AGXT2: variants seen among roughly 807,000 people sequenced by gnomAD.
The protein encoded by AGXT2 is alanine--glyoxylate aminotransferase 2.
In AGXT2, 61 loss-of-function variants were observed where a neutral mutation model predicts 62.5. The ratio of observed to expected loss-of-function variants is 0.98; its 90% CI spans 0.79 to 1.21. AGXT2 has a LOEUF of 1.21. Among genes scored for constraint, AGXT2 ranks in the 50% most tolerant of loss-of-function variants. The pLI is 0.00. For synonymous variants in AGXT2, 243 were observed against 218.7 expected (o/e 1.11, Z -0.98); for missense variants, 666 against 641.5 (o/e 1.04, Z -0.41).
intron 9 of AGXT2, among the ~76,000 whole-genome samples, chr5:35,017,245 G>T (rs1429699430): frequency 6.6e-6 from 1 of 152,152 alleles, no homozygotes; most frequent in Non-Finnish European, 1.5e-5. Context: ...GGGAGCCTGA[G>T]TTTGAGTCTT....
At chr5:35,026,535 A>G (rs771906704) in intron 7 of AGXT2, 25 bp from the exon 8 acceptor site, 15 of 1,589,200 alleles carry the variant, frequency 9.4e-6, no homozygotes, top group South Asian at 2.2e-5. Flanking sequence ...CAACAAAACA[A>G]AACAAACCAC....
intron 1 of AGXT2, among the ~76,000 whole-genome samples, chr5:35,043,482 G>A (rs1286100045): frequency 2.0e-5 from 3 of 152,046 alleles, no homozygotes; most frequent in Admixed American, 1.3e-4. Context: ...TCAAAGAAAA[G>A]CTTTCAAAAT....
At chr5:35,014,237 A>C in intron 9 of AGXT2, 118 bp from the exon 10 acceptor site, 1 of 1,384,822 alleles carries the variant, frequency 7.2e-7, no homozygotes, top group South Asian at 1.2e-5. Flanking sequence ...GTGGATCATG[A>C]GGTCAGGAGT....
chr5:35,015,074 C>T (rs1580580849), intron 9 of AGXT2, among the ~76,000 whole-genome samples: 1 of 152,232 alleles, frequency 6.6e-6, no homozygotes, highest in African/African-American at 2.4e-5. Context: ...AGACCCTCTT[C>T]TTGCTGCTTT....
At chr5:35,019,204 C>T (rs1766969315) in intron 9 of AGXT2, among the ~76,000 whole-genome samples, 1 of 128,750 alleles carries the variant, frequency 7.8e-6, no homozygotes, top group South Asian at 2.7e-4. Context: ...GAATTGAACT[C>T]AGCTCTGCAC....
At chr5:35,026,140 T>C in intron 8 of AGXT2, 1 of 593,062 alleles carries the variant, frequency 1.7e-6, no homozygotes, top group East Asian at 2.9e-5. Context: ...AATGCGGATG[T>C]TATTAAGCAG....
rs904700665 is a variant in AGXT2, at chr5:35,040,599, A to C, written c.153T>G (p.Cys51Trp). The change falls in exon 2 of 14, where the codon TGT becomes TGG. Residue 51 changes from cysteine (C) to tryptophan (W), a missense_variant. Transcript: ENST00000231420. ...SLHTKPRMPP[C>W]DFMPERYQSL... The stretch of plus-strand genomic sequence containing the variant: ...CCTGGTATCTTTCAGGCATGAAGTC[A>C]CATGGAGGCATTCTGGGCTTTGTAT... 5.0e-6 allele frequency: 8 copies of C among 1,613,844 alleles called. No individual in the cohort carries two copies. The African/African-American group carries it at 1.1e-4, about 22-fold the overall frequency.
chr5:35,046,584 T>A (rs906591593), intron 1 of AGXT2, among the ~76,000 whole-genome samples: 3 of 152,202 alleles, frequency 2.0e-5, no homozygotes, highest in African/African-American at 7.2e-5. Context: ...TGGAATGAGA[T>A]AATAGTACTC....
chr5:35,022,177 G>A (rs1767127337), intron 9 of AGXT2, among the ~76,000 whole-genome samples: 1 of 152,110 alleles, frequency 6.6e-6, no homozygotes, highest in African/African-American at 2.4e-5. Flanking sequence ...GATTCCTCAG[G>A]GATCTAGAAC....
chr5:35,005,489 T>A (rs540870329), intron 12 of AGXT2, among the ~76,000 whole-genome samples: 33 of 152,110 alleles, frequency 2.2e-4, no homozygotes, highest in Middle Eastern at 6.3e-3. Flanking sequence ...CCTCCCAAAG[T>A]GCTGGGATTA....
In AGXT2 at chr5:35,033,446, A is replaced by G; in HGVS notation, c.675+14T>C. On this transcript the variant is annotated intron_variant, in intron 6 of 13. Coordinates refer to ENST00000231420, the MANE Select transcript of AGXT2 (RefSeq NM_031900.4). Reference sequence around the variant, plus strand: ...CAGTCTTTAAAGAAACAAGAGAAAAATCTCCAAACTCACTGGTTGGCAACC... The same window carrying G: ...CAGTCTTTAAAGAAACAAGAGAAAAGTCTCCAAACTCACTGGTTGGCAACC... The G allele has an allele frequency of 1.9e-6, 3 of 1,589,804 alleles. No individual in the cohort carries two copies. Among genetic ancestry groups the G allele is most frequent in the Non-Finnish European group, 2.6e-6 (3 of 1,157,770 alleles).
intron 3 of AGXT2, among the ~76,000 whole-genome samples, chr5:35,038,858 G>A (rs562819526): frequency 1.5e-4 from 23 of 152,252 alleles, no homozygotes; most frequent in Non-Finnish European, 2.4e-4. Flanking sequence ...TTTCCAGCTA[G>A]GATTGCATCT....
At chr5:35,030,114 C>G (rs995086458) in intron 7 of AGXT2, among the ~76,000 whole-genome samples, 1 of 152,190 alleles carries the variant, frequency 6.6e-6, no homozygotes. Flanking sequence ...CAAACCCTTC[C>G]CAGGTCCTAA....
chr5:35,026,902 A>C (rs770437893), intron 7 of AGXT2: 88 of 985,088 alleles, frequency 8.9e-5, no homozygotes, highest in Admixed American at 6.1e-4. Flanking sequence ...ATTTGAAAAT[A>C]ACTCTATTTA....
At chr5:35,015,387 C>T (rs901815040) in intron 9 of AGXT2, among the ~76,000 whole-genome samples, 9 of 152,206 alleles carry the variant, frequency 5.9e-5, no homozygotes, top group South Asian at 2.1e-4. Context: ...AACTTCTCCA[C>T]GCACATTTCT....
Position 35,029,218 on chromosome 5 carries a change from C to T in AGXT2, c.770-2708G>A, listed in dbSNP as rs148909941. Among the ~76,000 whole-genome samples, 402 of 152,202 alleles carry T rather than the reference C, an allele frequency of 2.6e-3. 2 individuals carry two copies. The highest frequency in any genetic ancestry group is 9.1e-3 in the African/African-American group (379 of 41,542). On this transcript the variant is annotated intron_variant, in intron 7 of 13. Coordinates refer to ENST00000231420, the MANE Select transcript of AGXT2 (RefSeq NM_031900.4). ...TATGCCTCTAGAGACAGAAATTTCC[C>T]GTTTTTATTGGGAAAGGAAGAGAAA...
chr5:35,023,628 A>T (rs894638867), intron 9 of AGXT2, among the ~76,000 whole-genome samples: 10 of 152,190 alleles, frequency 6.6e-5, no homozygotes, highest in African/African-American at 2.2e-4. Context: ...TTTCAAGCTG[A>T]CTGGATATAC....
chr5:35,016,052 C>A (rs938983241), intron 9 of AGXT2, among the ~76,000 whole-genome samples: 3 of 152,080 alleles, frequency 2.0e-5, no homozygotes, highest in Admixed American at 2.0e-4. Context: ...TGGGTTGCCT[C>A]CTTCCTACTA....
chr5:35,010,164 C>T lies in AGXT2; in HGVS notation c.1189-15G>A. ...TCTTTAATCACCTGTTAAGAGAAAG[C>T]CCCAAATGATCTTACATGGCAGAAG... On this transcript the variant is annotated splice_polypyrimidine_tract_variant and intron_variant, in intron 11 of 13. Coordinates refer to ENST00000231420, the MANE Select transcript of AGXT2 (RefSeq NM_031900.4). The T allele has an allele frequency of 6.2e-7, 1 of 1,614,114 alleles. No individual in the cohort carries two copies. Among genetic ancestry groups the T allele is most frequent in the Non-Finnish European group, 8.5e-7 (1 of 1,180,022 alleles).
Sources: allele counts gnomAD v4.1 joint callset (sites outside exome capture counted in the v4.1 genomes callset), GRCh38; gene constraint gnomAD v4.1.1; transcripts MANE v1.5; gene names NCBI Gene and HGNC (gene_info 2026-07-23, HGNC 2026-07-21).